The following RBM46 variants were observed in gnomAD, a reference collection of about 807,000 sequenced individuals.
The protein encoded by RBM46 is probable RNA-binding protein 46.
RBM46 carries 12 observed loss-of-function variants against 43.3 expected under a neutral mutation model. The observed-to-expected ratio is 0.28, with a 90% CI of 0.18 to 0.45. The LOEUF (loss-of-function observed/expected upper bound fraction) is 0.45, where lower values mean the gene tolerates loss of function less well. Ranked by LOEUF, RBM46 falls within the 20% of genes least tolerant of loss-of-function variation. RBM46 has a pLI of 1.00. For missense variants in RBM46, 412 were observed against 639.1 expected (o/e 0.64, Z 3.83); for synonymous variants, 205 against 207.6 (o/e 0.99, Z 0.11).
intron 4 of RBM46, among the ~76,000 whole-genome samples, chr4:154,806,978 A>G (rs775801392): frequency 1.3e-5 from 2 of 151,780 alleles, no homozygotes; most frequent in Non-Finnish European, 3.0e-5. Context: ...TCTTTACCCT[A>G]TAACTTCTTA....
intron 2 of RBM46, among the ~76,000 whole-genome samples, chr4:154,797,203 A>G (rs1734398966): frequency 6.6e-6 from 1 of 152,196 alleles, no homozygotes; most frequent in African/African-American, 2.4e-5. Flanking sequence ...AGAGGAGATC[A>G]TCTGGGGAGG....
intron 2 of RBM46, among the ~76,000 whole-genome samples, chr4:154,797,522 A>G (rs1308537962): frequency 2.6e-5 from 4 of 151,920 alleles, no homozygotes; most frequent in Non-Finnish European, 5.9e-5. Context: ...CTCATGGCTC[A>G]CTCCCTCATT....
At chr4:154,789,102 A>G (rs1377486311) in intron 1 of RBM46, among the ~76,000 whole-genome samples, 2 of 152,210 alleles carry the variant, frequency 1.3e-5, no homozygotes, top group East Asian at 1.9e-4. Flanking sequence ...TTACAAATAT[A>G]CAATCATGTC....
At chr4:154,813,257 A>G (rs1397210463) in intron 4 of RBM46, among the ~76,000 whole-genome samples, 1 of 152,176 alleles carries the variant, frequency 6.6e-6, no homozygotes, top group African/African-American at 2.4e-5. Context: ...TAAATTATGA[A>G]TGGTGGTTAA....
intron 1 of RBM46, chr4:154,781,892 C>T (rs1029157462): frequency 7.2e-5 from 11 of 152,286 alleles, no homozygotes; most frequent in African/African-American, 2.7e-4. Flanking sequence ...CGCGCGTCCC[C>T]TGGAGGCTTT....
In RBM46 at chr4:154,827,929, TG is replaced by T; in HGVS notation, c.1467del (p.Thr490LeufsTer59). 6.2e-7 allele frequency: 1 copy of T among 1,613,982 alleles called. No homozygotes were observed. The highest frequency in any genetic ancestry group is 8.5e-7 in the Non-Finnish European group (1 of 1,179,868). On this transcript the variant is annotated frameshift_variant, in exon 5 of 5. Transcript: ENST00000281722. LOFTEE classifies it high-confidence loss of function. ...CCCCTGTTAGTGCTACCCTCTCTTC[TG>T]GGACTCCCAGCGTGCTTCCTTATAC... ...LSPVSATLSS[G>X]TPSVLPYTSR...
intron 4 of RBM46, among the ~76,000 whole-genome samples, chr4:154,807,082 A>G (rs1198245722): frequency 3.3e-5 from 5 of 151,794 alleles, no homozygotes; most frequent in African/African-American, 1.2e-4. Flanking sequence ...ATCTTATTTA[A>G]TTCATATTTT....
intron 4 of RBM46, among the ~76,000 whole-genome samples, chr4:154,818,734 C>G (rs1735585334): frequency 6.6e-6 from 1 of 151,952 alleles, no homozygotes; most frequent in African/African-American, 2.4e-5. Flanking sequence ...TTTACTGTAA[C>G]CTGTGTATTG....
intron 4 of RBM46, among the ~76,000 whole-genome samples, chr4:154,825,204 T>A (rs1013687566): frequency 4.6e-5 from 7 of 152,142 alleles, no homozygotes; most frequent in African/African-American, 1.7e-4. Context: ...AAACTAGGGG[T>A]GGGCAAATAA....
At chr4:154,813,981 A>G (rs1321915702) in intron 4 of RBM46, among the ~76,000 whole-genome samples, 4 of 152,052 alleles carry the variant, frequency 2.6e-5, no homozygotes, top group African/African-American at 9.6e-5. Flanking sequence ...AAAGATATAG[A>G]ATATGCTTTT....
At chr4:154,827,467 GAAAA>G (rs1025849717) in intron 4 of RBM46, 3 of 766,180 alleles carry the variant, frequency 3.9e-6, no homozygotes, top group Non-Finnish European at 4.8e-6. Context: ...CAGCTTCAAA[GAAAA>G]AAAAAAAGCA....
chr4:154,805,284 A>G (rs1734855782), intron 4 of RBM46, among the ~76,000 whole-genome samples: 1 of 152,012 alleles, frequency 6.6e-6, no homozygotes, highest in Non-Finnish European at 1.5e-5. Flanking sequence ...TTTTCCTCTG[A>G]GCAAGTATTT....
intron 2 of RBM46, 47 bp from the exon 3 acceptor site, chr4:154,797,764 C>A: frequency 7.8e-7 from 1 of 1,278,868 alleles, no homozygotes; most frequent in Non-Finnish European, 1.1e-6. Flanking sequence ...ATAGTGAGTA[C>A]AAATATCCAA....
intron 4 of RBM46, 22 bp downstream of exon 4, chr4:154,799,586 A>G (rs1165268324): frequency 2.8e-6 from 4 of 1,435,620 alleles, no homozygotes; most frequent in African/African-American, 2.9e-5. Flanking sequence ...AATACTTTAA[A>G]TGATGTATAA....
intron 4 of RBM46, chr4:154,827,581 C>G (rs1286780152): frequency 8.8e-7 from 1 of 1,138,434 alleles, no homozygotes; most frequent in Non-Finnish European, 1.1e-6. Context: ...GAGACGTTCT[C>G]TTTTTCTATA....
intron 4 of RBM46, chr4:154,827,105 C>T (rs1736003455): frequency 6.6e-6 from 7 of 1,063,092 alleles, no homozygotes; most frequent in East Asian, 5.7e-5. Flanking sequence ...ATAAATGTTG[C>T]AGTTAATGAA....
At chr4:154,816,624 C>T (rs111975967) in intron 4 of RBM46, among the ~76,000 whole-genome samples, 1 of 152,030 alleles carries the variant, frequency 6.6e-6, no homozygotes, top group Non-Finnish European at 1.5e-5. Flanking sequence ...TTTCTGCATA[C>T]ACTTTTATCA....
Position 154,799,051 on chromosome 4 carries a change from G to A in RBM46, c.889G>A (p.Asp297Asn). The A allele has an allele frequency of 6.2e-7, 1 of 1,614,108 alleles. No homozygotes were observed. Among genetic ancestry groups the A allele is most frequent in the Non-Finnish European group, 8.5e-7 (1 of 1,180,008 alleles). ...GTCTGTTATGAATGGAAAATGCATT[G>A]ATGGAGCAAGTATTGAGGTAACACT... ...AMSVMNGKCI[D>N]GASIEVTLAK... Residue 297 changes from aspartate (D) to asparagine (N), a missense_variant, in exon 4 of 5, where the codon GAT (aspartate) becomes AAT (asparagine). By Grantham distance (23) the Asp-to-Asn change is conservative. This residue lies in a region of RBM46 where 105 missense variants were observed against 111.0 expected (regional missense o/e 0.95). Transcript: ENST00000281722.
At chr4:154,813,459 A>G (rs1735282079) in intron 4 of RBM46, among the ~76,000 whole-genome samples, 1 of 152,048 alleles carries the variant, frequency 6.6e-6, no homozygotes, top group African/African-American at 2.4e-5. Context: ...TAGGAGATTA[A>G]GGTTGTAATT....
Sources: allele counts gnomAD v4.1 joint callset (sites outside exome capture counted in the v4.1 genomes callset), GRCh38; gene constraint gnomAD v4.1.1; regional missense constraint gnomAD v4.1.1; transcripts MANE v1.5; gene names NCBI Gene and HGNC (gene_info 2026-07-23, HGNC 2026-07-21).